Variants in ULK4 observed in about 807,000 individuals in gnomAD.
ULK4 encodes unc-51 like kinase 4, also known as inactive serine/threonine-protein kinase ULK4.
A neutral mutation model predicts 160.6 loss-of-function variants in ULK4; 133 were observed. That is an observed-to-expected ratio of 0.83 (90% confidence interval 0.72 to 0.96). ULK4 has a LOEUF of 0.96. Ranked by LOEUF, ULK4 falls within the 40% of genes least tolerant of loss-of-function variation. The probability of loss-of-function intolerance (pLI) is 0.00; values close to 1 mark genes in which losing one functional copy is unlikely to be tolerated. For missense variants in ULK4, 1,580 were observed against 1,499.5 expected (o/e 1.05, Z -0.89); for synonymous variants, 534 against 539.8 (o/e 0.99, Z 0.15).
At chr3:41,716,489 A>T (rs982758837) in intron 23 of ULK4, among the ~76,000 whole-genome samples, 6 of 152,192 alleles carry the variant, frequency 3.9e-5, no homozygotes, top group Non-Finnish European at 8.8e-5. Context: ...GAGGTAAAAA[A>T]GCTTACAATC....
At chr3:41,284,103 T>C (rs914277394) in intron 35 of ULK4, among the ~76,000 whole-genome samples, 1 of 152,182 alleles carries the variant, frequency 6.6e-6, no homozygotes, top group African/African-American at 2.4e-5. Flanking sequence ...ATACATCCCA[T>C]GCTCACGGAT....
chr3:41,545,724 A>G (rs964697133), intron 32 of ULK4, among the ~76,000 whole-genome samples: 6 of 152,116 alleles, frequency 3.9e-5, no homozygotes, highest in Admixed American at 3.9e-4. Flanking sequence ...TTTCTGCCCC[A>G]TTCTCTCTCT....
intron 27 of ULK4, among the ~76,000 whole-genome samples, chr3:41,700,120 A>G (rs1422545372): frequency 2.0e-5 from 3 of 152,196 alleles, no homozygotes; most frequent in Non-Finnish European, 4.4e-5. Context: ...TGTTACTTGG[A>G]TTAACATTCT....
chr3:41,571,293 G>C (rs539420100), intron 31 of ULK4, among the ~76,000 whole-genome samples: 1 of 152,208 alleles, frequency 6.6e-6, no homozygotes, highest in South Asian at 2.1e-4. Flanking sequence ...TGAAATAAGA[G>C]AGCTACTGCT....
At chr3:41,759,305 T>G (rs1051056038) in intron 21 of ULK4, among the ~76,000 whole-genome samples, 1 of 152,196 alleles carries the variant, frequency 6.6e-6, no homozygotes, top group African/African-American at 2.4e-5. Flanking sequence ...TAAGTGAGTT[T>G]AGCAAAATCT....
chr3:41,882,196 A>G (rs766851088), intron 17 of ULK4: 3 of 702,984 alleles, frequency 4.3e-6, no homozygotes, highest in South Asian at 3.0e-5. Flanking sequence ...GTCAGTATCT[A>G]TACATACACA....
chr3:41,256,763 A>G (rs1029717842), intron 35 of ULK4, among the ~76,000 whole-genome samples: 2 of 152,250 alleles, frequency 1.3e-5, no homozygotes, highest in Admixed American at 6.5e-5. Context: ...TTTTGAAAAC[A>G]TAAGAGAATG....
In ULK4 at chr3:41,674,089, A is replaced by G. The variant is rs373527925; in HGVS notation, c.2978+7419T>C. Among the ~76,000 whole-genome samples the G allele has an allele frequency of 2.5e-4, 38 of 152,338 alleles. No individual in the cohort carries two copies. The South Asian group carries it at 7.5e-3, about 30-fold the overall frequency. On this transcript the variant is annotated intron_variant, in intron 29 of 36. Coordinates refer to ENST00000301831, the MANE Select transcript of ULK4 (RefSeq NM_017886.4). ...AAGGGTCTTGAACTGCATATGCACA[A>G]TCACACGATACAGTACTAATACAAA...
intron 31 of ULK4, among the ~76,000 whole-genome samples, chr3:41,604,777 A>G (rs933266592): frequency 1.3e-5 from 2 of 152,118 alleles, no homozygotes; most frequent in African/African-American, 4.8e-5. Context: ...TACAGTAAAT[A>G]TGTGTTTTGG....
At chr3:41,673,581 C>T (rs2035607283) in intron 29 of ULK4, among the ~76,000 whole-genome samples, 1 of 151,998 alleles carries the variant, frequency 6.6e-6, no homozygotes, top group African/African-American at 2.4e-5. Flanking sequence ...ACTCATTTTC[C>T]CCGGGAGAGA....
At chr3:41,585,328 A>G (rs1310812934) in intron 31 of ULK4, among the ~76,000 whole-genome samples, 4 of 152,136 alleles carry the variant, frequency 2.6e-5, no homozygotes, top group Non-Finnish European at 4.4e-5. Context: ...CAGACATATA[A>G]ACCAATGGAA....
chr3:41,526,833 G>A (rs1423438929), intron 32 of ULK4, among the ~76,000 whole-genome samples: 9 of 152,098 alleles, frequency 5.9e-5, no homozygotes, highest in Non-Finnish European at 1.2e-4. Context: ...CTTGAAGATG[G>A]AATTGTGTTT....
intron 22 of ULK4, among the ~76,000 whole-genome samples, chr3:41,748,003 T>C (rs948293503): frequency 6.6e-6 from 1 of 152,136 alleles, no homozygotes; most frequent in African/African-American, 2.4e-5. Context: ...TAAATAAGTT[T>C]ATCCTAACAT....
intron 25 of ULK4, among the ~76,000 whole-genome samples, chr3:41,708,309 G>C (rs6768328): frequency 0.068 from 10,308 of 152,036 alleles, 1,147 homozygotes; most frequent in African/African-American, 0.23. Flanking sequence ...ACAGATGAAC[G>C]GATTTTTTAA....
At chr3:41,773,935 G>A (rs1257277708) in intron 21 of ULK4, among the ~76,000 whole-genome samples, 1 of 152,134 alleles carries the variant, frequency 6.6e-6, no homozygotes, top group East Asian at 1.9e-4. Context: ...ACAACTATCT[G>A]ATCTTTGACA....
At chr3:41,702,831 GT>G (rs1233429177) in intron 27 of ULK4, among the ~76,000 whole-genome samples, 2 of 148,166 alleles carry the variant, frequency 1.3e-5, no homozygotes, top group Admixed American at 6.7e-5. Flanking sequence ...AAATTAGTAA[GT>G]TTTTTTTGTT....
At chr3:41,584,333 C>A (rs1451704582) in intron 31 of ULK4, among the ~76,000 whole-genome samples, 2 of 152,168 alleles carry the variant, frequency 1.3e-5, no homozygotes, top group South Asian at 4.2e-4. Context: ...ACTCTGTCAC[C>A]CAAGCTGGAG....
intron 35 of ULK4, among the ~76,000 whole-genome samples, chr3:41,335,415 A>G (rs1000023338): frequency 8.5e-5 from 13 of 152,242 alleles, no homozygotes; most frequent in African/African-American, 2.9e-4. Flanking sequence ...GGTAAGAATA[A>G]CTCCATCTTC....
At chr3:41,527,213 G>A (rs771062487) in intron 32 of ULK4, among the ~76,000 whole-genome samples, 4 of 152,166 alleles carry the variant, frequency 2.6e-5, no homozygotes, top group African/African-American at 4.8e-5. Context: ...TCTACAGCTC[G>A]TTTCTCCTTC....
Sources: allele counts gnomAD v4.1 joint callset (sites outside exome capture counted in the v4.1 genomes callset), GRCh38; gene constraint gnomAD v4.1.1; transcripts MANE v1.5; gene names NCBI Gene and HGNC (gene_info 2026-07-23, HGNC 2026-07-21).